Variants in CSMD1 observed in about 807,000 individuals in gnomAD.
CSMD1 encodes CUB and Sushi multiple domains 1, also known as CUB and sushi domain-containing protein 1.
Under a neutral mutation model 417.5 loss-of-function variants are expected in CSMD1, and 213 were observed. The observed-to-expected ratio is 0.51, with a 90% CI of 0.46 to 0.57. The LOEUF (loss-of-function observed/expected upper bound fraction) is 0.57. Ranked by LOEUF, CSMD1 falls within the 20% of genes least tolerant of loss-of-function variation. The probability of loss-of-function intolerance (pLI) is 0.00; values close to 1 mark genes in which losing one functional copy is unlikely to be tolerated. For missense variants in CSMD1, 6,923 were observed against 4,529.7 expected, an observed-to-expected ratio of 1.53 and a Z score of -15.17; for synonymous variants, 2,862 against 1,736.8, an observed-to-expected ratio of 1.65 and a Z score of -16.11.
intron 10 of CSMD1, among the ~76,000 whole-genome samples, chr8:3,551,649 T>C (rs1798921092): frequency 1.3e-5 from 2 of 150,210 alleles, no homozygotes; most frequent in South Asian, 4.2e-4. Flanking sequence ...GGTGCTCATT[T>C]AATACCAAGC....
At chr8:3,193,517 T>C (rs1323490167) in intron 33 of CSMD1, among the ~76,000 whole-genome samples, 2 of 152,030 alleles carry the variant, frequency 1.3e-5, no homozygotes, top group Non-Finnish European at 2.9e-5. Context: ...TCCCCGCCCG[T>C]CCTCTGGGTC....
intron 1 of CSMD1, among the ~76,000 whole-genome samples, chr8:4,725,394 G>C (rs867530453): frequency 2.6e-5 from 4 of 152,152 alleles, no homozygotes; most frequent in East Asian, 1.9e-4. Context: ...GCTTGTGAAA[G>C]CGCAATAATA....
intron 7 of CSMD1, among the ~76,000 whole-genome samples, chr8:3,694,160 G>T (rs574951253): frequency 6.6e-6 from 1 of 151,922 alleles, no homozygotes; most frequent in African/African-American, 2.4e-5. Flanking sequence ...CTGGAGAGGG[G>T]CTCACAGATC....
intron 26 of CSMD1, among the ~76,000 whole-genome samples, chr8:3,250,094 C>G (rs1197134328): frequency 6.6e-6 from 1 of 152,168 alleles, no homozygotes; most frequent in Non-Finnish European, 1.5e-5. Context: ...TTTTAGGGTA[C>G]ATGTGCACAA....
At chr8:3,577,084 G>A (rs1800180526) in intron 9 of CSMD1, among the ~76,000 whole-genome samples, 1 of 152,158 alleles carries the variant, frequency 6.6e-6, no homozygotes, top group South Asian at 2.1e-4. Context: ...CTGACAAGGT[G>A]GGCTCAGCCT....
chr8:3,199,630 T>G (rs757561769), intron 33 of CSMD1, 84 bp downstream of exon 33: 7 of 709,154 alleles, frequency 9.9e-6, no homozygotes, highest in Non-Finnish European at 1.5e-5. Context: ...TGAGATGTTT[T>G]GAGTGCTTTG....
At chr8:4,226,097 C>CGCCA (rs1199377565) in intron 3 of CSMD1, among the ~76,000 whole-genome samples, 2 of 151,556 alleles carry the variant, frequency 1.3e-5, no homozygotes, top group African/African-American at 4.9e-5. Flanking sequence ...CACACACACA[C>CGCCA]ACACACACAC....
At chr8:4,370,265 G>T (rs1802321806) in intron 3 of CSMD1, among the ~76,000 whole-genome samples, 1 of 151,796 alleles carries the variant, frequency 6.6e-6, no homozygotes, top group Admixed American at 6.6e-5. Flanking sequence ...TTCAATACAG[G>T]CTCCCAGTCT....
intron 3 of CSMD1, among the ~76,000 whole-genome samples, chr8:4,258,841 C>T (rs900635251): frequency 6.6e-6 from 1 of 152,110 alleles, no homozygotes; most frequent in Non-Finnish European, 1.5e-5. Flanking sequence ...AGCCCCACTC[C>T]TCATGGACAA....
chr8:4,104,807 G>A (rs190845539), intron 3 of CSMD1, among the ~76,000 whole-genome samples: 33 of 152,288 alleles, frequency 2.2e-4, no homozygotes, highest in Non-Finnish European at 3.5e-4. Flanking sequence ...CCTTTACGAA[G>A]AGTGTCTTTA....
chr8:4,940,735 G>C (rs917052176), intron 1 of CSMD1, among the ~76,000 whole-genome samples: 1 of 152,124 alleles, frequency 6.6e-6, no homozygotes, highest in Non-Finnish European at 1.5e-5. Context: ...CAAATCTCCA[G>C]GGTAGCAGCA....
At chr8:4,180,771 T>C (rs543698855) in intron 3 of CSMD1, among the ~76,000 whole-genome samples, 2 of 152,272 alleles carry the variant, frequency 1.3e-5, no homozygotes, top group East Asian at 3.9e-4. Flanking sequence ...TCTAACATTG[T>C]GTTAATCTAA....
At chr8:3,443,979 T>C (rs1259380446) in intron 12 of CSMD1, among the ~76,000 whole-genome samples, 1 of 152,144 alleles carries the variant, frequency 6.6e-6, no homozygotes, top group African/African-American at 2.4e-5. Context: ...AGGAAAGGAC[T>C]ACAGATATAC....
chr8:4,391,719 C>G (rs367656585), intron 3 of CSMD1, among the ~76,000 whole-genome samples: 4 of 152,154 alleles, frequency 2.6e-5, no homozygotes, highest in East Asian at 1.9e-4. Flanking sequence ...TGTGAAAAAC[C>G]TCCAAGTGCA....
intron 7 of CSMD1, among the ~76,000 whole-genome samples, chr8:3,704,207 C>T (rs936778124): frequency 8.5e-5 from 13 of 152,184 alleles, no homozygotes; most frequent in Non-Finnish European, 1.2e-4. Context: ...CCTGAAAAAT[C>T]ACAGCTACAG....
chr8:4,214,289 GTAGTAA>G (rs888529373), intron 3 of CSMD1, among the ~76,000 whole-genome samples: 2 of 152,272 alleles, frequency 1.3e-5, no homozygotes, highest in East Asian at 3.9e-4. Flanking sequence ...ATTAAAATTA[GTAGTAA>G]TAGTATTAGT....
chr8:3,567,366 G>T lies in CSMD1; in HGVS notation c.1344+7579C>A, dbSNP rs368928027. Among the ~76,000 whole-genome samples, 3 of 151,242 alleles carry T rather than the reference G, an allele frequency of 2.0e-5. No homozygotes were observed. The East Asian group carries it at 5.8e-4, about 29-fold the overall frequency. ...TGAATCTGTACAACAAACCACCATG[G>T]CACAAGTTTACCTATATAACAAACC... On this transcript the variant is annotated intron_variant, in intron 10 of 69. Coordinates refer to ENST00000635120, the MANE Select transcript of CSMD1 (RefSeq NM_033225.6).
chr8:2,979,232 G>C (rs557280792), intron 54 of CSMD1, among the ~76,000 whole-genome samples: 2 of 152,342 alleles, frequency 1.3e-5, no homozygotes, highest in African/African-American at 4.8e-5. Context: ...ACTTGCATTA[G>C]TGCTTTAATA....
At chr8:3,880,503 A>C (rs901756325) in intron 5 of CSMD1, among the ~76,000 whole-genome samples, 10 of 152,182 alleles carry the variant, frequency 6.6e-5, no homozygotes, top group Admixed American at 2.0e-4. Flanking sequence ...GTTATAAATA[A>C]AATTTGATTT....
Sources: gnomAD v4.1 joint callset for allele counts (sites outside exome capture counted in the v4.1 genomes callset) on GRCh38, gnomAD v4.1.1 for gene constraint, MANE v1.5 for transcripts, NCBI Gene and HGNC (gene_info 2026-07-23, HGNC 2026-07-21) for gene names.